TCF4: variants seen among roughly 807,000 people sequenced by gnomAD.
TCF4 encodes the protein SL3-3 enhancer factor 2.
A neutral mutation model predicts 82.1 loss-of-function variants in TCF4; 3 were observed. The observed-to-expected ratio is 0.04, with a 90% CI of 0.02 to 0.09. The LOEUF (loss-of-function observed/expected upper bound fraction) is 0.09. Ranked by LOEUF, TCF4 falls within the 10% of genes least tolerant of loss-of-function variation. The pLI, the probability that TCF4 is intolerant of heterozygous loss-of-function variation, is 1.00. For missense variants in TCF4, 518 were observed against 852.7 expected (o/e 0.61, Z 4.89); for synonymous variants, 276 against 309.6 (o/e 0.89, Z 1.14).
intron 6 of TCF4, among the ~76,000 whole-genome samples, chr18:55,370,366 A>C (rs2088634333): frequency 6.6e-6 from 1 of 152,124 alleles, no homozygotes; most frequent in South Asian, 2.1e-4. Flanking sequence ...TGATTGCACC[A>C]CTGCTCCAGC....
intron 2 of TCF4, among the ~76,000 whole-genome samples, chr18:55,615,484 C>G (rs749275357): frequency 3.3e-5 from 5 of 151,602 alleles, no homozygotes; most frequent in African/African-American, 1.2e-4. Context: ...CAAAACAATT[C>G]TACTCCTTCA....
intron 3 of TCF4, chr18:55,510,506 G>T: frequency 8.7e-7 from 1 of 1,153,224 alleles, no homozygotes; most frequent in Non-Finnish European, 1.2e-6. Context: ...AACTTCTAAG[G>T]ATACAGAAGT....
intron 8 of TCF4, among the ~76,000 whole-genome samples, chr18:55,289,416 A>G (rs957112914): frequency 1.3e-5 from 2 of 152,230 alleles, no homozygotes; most frequent in Non-Finnish European, 2.9e-5. Context: ...AGAACCTGAT[A>G]TATTATTTCA....
intron 15 of TCF4, among the ~76,000 whole-genome samples, chr18:55,237,123 A>C (rs1431496220): frequency 6.6e-6 from 1 of 152,226 alleles, no homozygotes; most frequent in Non-Finnish European, 1.5e-5. Context: ...ATAGGTACAT[A>C]ATAACTGCAG....
chr18:55,538,203 T>C (rs899865114), intron 3 of TCF4, among the ~76,000 whole-genome samples: 2 of 152,156 alleles, frequency 1.3e-5, no homozygotes, highest in Non-Finnish European at 2.9e-5. Flanking sequence ...ATGTCTATAA[T>C]AAAATCAATG....
chr18:55,551,970 C>G (rs1476950845), intron 3 of TCF4, among the ~76,000 whole-genome samples: 1 of 152,204 alleles, frequency 6.6e-6, no homozygotes, highest in Non-Finnish European at 1.5e-5. Context: ...CAATGACAAT[C>G]ACCATTTTCA....
At chr18:55,491,204 G>T (rs2096572401) in intron 3 of TCF4, among the ~76,000 whole-genome samples, 1 of 151,986 alleles carries the variant, frequency 6.6e-6, no homozygotes, top group African/African-American at 2.4e-5. Flanking sequence ...TCAAATTAAG[G>T]TTATTATTTA....
At chr18:55,582,180 G>T (rs1316860433) in intron 3 of TCF4, among the ~76,000 whole-genome samples, 3 of 151,988 alleles carry the variant, frequency 2.0e-5, no homozygotes, top group Admixed American at 2.0e-4. Flanking sequence ...ATAAATTATA[G>T]ACTCTTTAGA....
chr18:55,438,290 C>T (rs1028514659), intron 5 of TCF4, among the ~76,000 whole-genome samples: 1 of 151,614 alleles, frequency 6.6e-6, no homozygotes, highest in African/African-American at 2.4e-5. Context: ...TCTCTCCTCT[C>T]ATTAGTCACT....
chr18:55,569,203 C>G (rs1034466588), intron 3 of TCF4, among the ~76,000 whole-genome samples: 1 of 105,770 alleles, frequency 9.5e-6, no homozygotes, highest in Non-Finnish European at 1.9e-5. Flanking sequence ...ATATATAGCA[C>G]AGTAAAGACA....
rs182174237 is a variant in TCF4 at position 55,599,580 on chromosome 18, G to A, written c.287-12444C>T. On this transcript the variant is annotated intron_variant, in intron 2 of 20. Coordinates refer to the TCF4 transcript ENST00000398339. ...TACTAAAAATACAAAAATTAGCTGG[G>A]TGTGGTGGTGGGCACCTGTAGCCCC... 1.4e-3 allele frequency among the ~76,000 whole-genome samples: 213 copies of A among 152,246 alleles called. 1 individual carries two copies. The highest frequency in any genetic ancestry group is 4.6e-3 in the East Asian group (24 of 5,182).
intron 2 of TCF4, among the ~76,000 whole-genome samples, chr18:55,598,540 AG>A (rs2097693583): frequency 6.6e-6 from 1 of 152,240 alleles, no homozygotes; most frequent in Non-Finnish European, 1.5e-5. Flanking sequence ...GTGCCTGAGA[AG>A]AACATTCTGG....
rs2046675556 is a variant in TCF4, at chr18:55,226,948, G to C, written c.*1087C>G. 1 of 152,612 alleles carries C rather than the reference G, an allele frequency of 6.6e-6. No individual in the cohort carries two copies. Among genetic ancestry groups the C allele is most frequent in the Non-Finnish European group, 1.5e-5 (1 of 68,026 alleles). The allele number at this position is 152,612 out of a possible 1,614,324, so 9.5% of individuals were successfully genotyped here. A position where few individuals can be genotyped will look rare whatever the true frequency, so the allele number is the denominator to read the frequency against. The stretch of plus-strand genomic sequence containing the variant: ...GATGATATAAACATTGGAAGGCACA[G>C]TGGTAACATTGTAGCATTCTAACCT... On this transcript the variant is annotated 3_prime_UTR_variant, in exon 20 of 20. Transcript: ENST00000354452.
intron 10 of TCF4, 138 bp from the exon 11 acceptor site, chr18:55,270,101 T>A (rs2060029653): frequency 1.8e-6 from 2 of 1,122,838 alleles, no homozygotes; most frequent in Non-Finnish European, 2.6e-6. Context: ...AGAATATATC[T>A]TGTTTAGATC....
intron 8 of TCF4, among the ~76,000 whole-genome samples, chr18:55,296,175 CTG>C (rs1263783328): frequency 1.3e-5 from 2 of 151,750 alleles, no homozygotes; most frequent in Non-Finnish European, 2.9e-5. Context: ...TACTGCCTCT[CTG>C]TAACTCTCTG....
At chr18:55,342,923 C>T (rs2080305757) in intron 8 of TCF4, among the ~76,000 whole-genome samples, 1 of 152,014 alleles carries the variant, frequency 6.6e-6, no homozygotes, top group South Asian at 2.1e-4. Context: ...TATACTGTGC[C>T]AATCGGTAGA....
intron 6 of TCF4, among the ~76,000 whole-genome samples, chr18:55,358,289 C>T (rs1257853981): frequency 6.6e-6 from 1 of 152,200 alleles, no homozygotes; most frequent in African/African-American, 2.4e-5. Context: ...TAGCATAAAT[C>T]TTATCTTTGA....
intron 1 of TCF4, among the ~76,000 whole-genome samples, chr18:55,632,012 A>G (rs2097732007): frequency 6.6e-6 from 1 of 151,996 alleles, no homozygotes; most frequent in African/African-American, 2.4e-5. Context: ...GCCCTGATTA[A>G]CAGTTCTTTT....
At chr18:55,351,389 C>A (rs554726405) in intron 6 of TCF4, 2 of 234,404 alleles carry the variant, frequency 8.5e-6, no homozygotes, top group South Asian at 1.0e-4. Context: ...ATTTTGTGAA[C>A]GCACACAACT....
Sources: allele counts gnomAD v4.1 joint callset (sites outside exome capture counted in the v4.1 genomes callset), GRCh38; gene constraint gnomAD v4.1.1; transcripts MANE v1.5; gene names NCBI Gene and HGNC (gene_info 2026-07-23, HGNC 2026-07-21).